USP34: variants seen among roughly 807,000 people sequenced by gnomAD.
The protein encoded by USP34 is ubiquitin carboxyl-terminal hydrolase 34.
USP34 carries 70 observed loss-of-function variants against 460.3 expected under a neutral mutation model. The observed-to-expected ratio is 0.15, with a 90% CI of 0.13 to 0.19. USP34 has a LOEUF of 0.19. Ranked by LOEUF, USP34 falls within the 10% of genes least tolerant of loss-of-function variation. The probability of loss-of-function intolerance (pLI) is 1.00; values close to 1 mark genes in which losing one functional copy is unlikely to be tolerated. For synonymous variants in USP34, 1,647 were observed against 1,405.3 expected, an observed-to-expected ratio of 1.17 and a Z score of -3.85; for missense variants, 3,985 against 4,236.2, an observed-to-expected ratio of 0.94 and a Z score of 1.65.
intron 36 of USP34, 47 bp downstream of exon 36, chr2:61,283,361 AT>A: frequency 6.3e-7 from 1 of 1,576,038 alleles, no homozygotes; most frequent in Non-Finnish European, 8.6e-7. Flanking sequence ...ATATCAATAT[AT>A]TATTCAAGTT....
chr2:61,318,918 G>A (rs1690830700), intron 22 of USP34, among the ~76,000 whole-genome samples: 1 of 152,100 alleles, frequency 6.6e-6, no homozygotes, highest in Admixed American at 6.5e-5. Flanking sequence ...GCCTTCAAAA[G>A]TTATTGTAAT....
chr2:61,365,125 G>A (rs906943341), intron 10 of USP34, among the ~76,000 whole-genome samples: 41 of 151,714 alleles, frequency 2.7e-4, no homozygotes, highest in Non-Finnish European at 1.6e-4. Flanking sequence ...GGAGGTGCGC[G>A]CCTATAATCC....
intron 3 of USP34, among the ~76,000 whole-genome samples, chr2:61,404,826 GA>G (rs1285674985): frequency 6.6e-6 from 1 of 152,104 alleles, no homozygotes; most frequent in Non-Finnish European, 1.5e-5. Flanking sequence ...ACTATGCCTA[GA>G]AATCAATCAT....
At chr2:61,365,292 C>CACACACGT (rs754663268) in intron 10 of USP34, among the ~76,000 whole-genome samples, 28 of 142,198 alleles carry the variant, frequency 2.0e-4, no homozygotes, top group African/African-American at 7.5e-4. Flanking sequence ...CACACACACA[C>CACACACGT]GTGTGTTTAT....
intron 29 of USP34, among the ~76,000 whole-genome samples, chr2:61,298,768 T>C (rs555975204): frequency 2.0e-5 from 3 of 148,550 alleles, no homozygotes; most frequent in East Asian, 1.9e-4. Flanking sequence ...AAACCAGCCA[T>C]AATGATGGAT....
In USP34 at chr2:61,214,618, G is replaced by A. The variant is rs1222022161; in HGVS notation, c.8124C>T (p.His2708=). 1 of 1,614,214 alleles carries A rather than the reference G, an allele frequency of 6.2e-7. No individual in the cohort carries two copies. The highest frequency in any genetic ancestry group is 2.2e-5 in the East Asian group (1 of 44,884). The change falls in exon 68 of 80, where the codon CAC becomes CAT. Residue 2708 remains histidine (H), a synonymous_variant. Transcript: ENST00000398571. ...RQMFRSTRSL[H]IPTRDLPLSP... is the part of the protein sequence containing the mutation. Reference sequence around the variant, plus strand: ...TGAGTGGAAGGTCACGGGTTGGGATGTGCAAAGACCTTGTTGACCGGAACA... The same window carrying A: ...TGAGTGGAAGGTCACGGGTTGGGATATGCAAAGACCTTGTTGACCGGAACA...
chr2:61,368,218 G>T (rs1036884608), intron 10 of USP34, among the ~76,000 whole-genome samples: 1 of 152,134 alleles, frequency 6.6e-6, no homozygotes, highest in Non-Finnish European at 1.5e-5. Flanking sequence ...AGGATTATGA[G>T]GTTAAGAGAT....
chr2:61,446,340 G>T (rs573162242), intron 1 of USP34, among the ~76,000 whole-genome samples: 1 of 152,088 alleles, frequency 6.6e-6, no homozygotes, highest in Non-Finnish European at 1.5e-5. Flanking sequence ...AGTATATGAA[G>T]ATCCATCCTG....
chr2:61,201,956 C>T (rs989643573), intron 75 of USP34, among the ~76,000 whole-genome samples: 1 of 152,148 alleles, frequency 6.6e-6, no homozygotes, highest in Non-Finnish European at 1.5e-5. Context: ...AGTACCATGA[C>T]CCAGGTGCAT....
intron 20 of USP34, among the ~76,000 whole-genome samples, chr2:61,325,706 A>G (rs959354116): frequency 4.6e-5 from 7 of 152,192 alleles, no homozygotes; most frequent in African/African-American, 1.7e-4. Flanking sequence ...AAAGCACACA[A>G]AAATTCAACA....
rs1686466796 is a variant in USP34 at position 61,187,555 on chromosome 2, C to G, written c.*547G>C. ...AAAAATAAAACAATTATTTTTACAT[C>G]AAGTGTGCTTTATTTCCTCCACAGG... On this transcript the variant is annotated 3_prime_UTR_variant, in exon 80 of 80. Coordinates refer to ENST00000398571, the MANE Select transcript of USP34 (RefSeq NM_014709.4). 1 of 971,788 alleles carries G rather than the reference C, an allele frequency of 1.0e-6. No individual in the cohort carries two copies. The highest frequency in any genetic ancestry group is 1.8e-5 in the African/African-American group (1 of 56,828). The allele number at this position is 971,788 out of a possible 1,614,324, so 60.2% of individuals were successfully genotyped here. A position where few individuals can be genotyped will look rare whatever the true frequency, so the allele number is the denominator to read the frequency against.
intron 64 of USP34, 34 bp from the exon 65 acceptor site, chr2:61,222,697 T>TTG: frequency 6.3e-7 from 1 of 1,586,144 alleles, no homozygotes; most frequent in East Asian, 2.3e-5. Context: ...CAGGATATTC[T>TTG]TGTTTTGTTT....
chr2:61,468,216 G>A (rs924231692), intron 1 of USP34, among the ~76,000 whole-genome samples: 43 of 152,012 alleles, frequency 2.8e-4, no homozygotes, highest in African/African-American at 9.4e-4. Flanking sequence ...ACAAAGTTTC[G>A]CTCTTGTTGC....
Position 61,394,833 on chromosome 2 carries a change from C to A in USP34, c.753+20G>T. 2 of 1,488,182 alleles carry A rather than the reference C, an allele frequency of 1.3e-6. No homozygotes were observed. The highest frequency in any genetic ancestry group is 1.5e-5 in the South Asian group (1 of 66,982). 92.2% of individuals were successfully genotyped at this position (1,488,182 alleles called of 1,614,324 possible). Reference sequence around the variant, plus strand: ...TAGACATTGCTCCCAAAATTAAGATCAATTCAAAACAATACTTACATTAGA... The same window carrying A: ...TAGACATTGCTCCCAAAATTAAGATAAATTCAAAACAATACTTACATTAGA... On this transcript the variant is annotated intron_variant, in intron 5 of 79. Coordinates refer to ENST00000398571, the MANE Select transcript of USP34 (RefSeq NM_014709.4).
At chr2:61,213,880 T>C (rs1371253611) in intron 68 of USP34, among the ~76,000 whole-genome samples, 180 bp downstream of exon 68, 3 of 152,158 alleles carry the variant, frequency 2.0e-5, no homozygotes, top group African/African-American at 2.4e-5. Flanking sequence ...ATCTACACAG[T>C]TATCAATTTT....
chr2:61,470,756 G>T lies in USP34; in HGVS notation c.-64C>A. 6.2e-6 allele frequency: 9 copies of T among 1,455,674 alleles called. No homozygotes were observed. Among genetic ancestry groups the T allele is most frequent in the Non-Finnish European group, 8.5e-6 (9 of 1,061,466 alleles). The allele number at this position is 1,455,674 out of a possible 1,614,324, so 90.2% of individuals were successfully genotyped here. A position where few individuals can be genotyped will look rare whatever the true frequency, so the allele number is the denominator to read the frequency against. On this transcript the variant is annotated 5_prime_UTR_variant, in exon 1 of 80. Transcript: ENST00000398571. The stretch of plus-strand genomic sequence containing the variant: ...ACACTGACTGATCCCGACCGGCGGG[G>T]GGGAGGGGAGAGAGGCGGAGGAGGG...
At chr2:61,377,796 C>T (rs1692840050) in intron 8 of USP34, among the ~76,000 whole-genome samples, 1 of 152,132 alleles carries the variant, frequency 6.6e-6, no homozygotes, top group Non-Finnish European at 1.5e-5. Flanking sequence ...ACTATCAGTA[C>T]CATATTTTTC....
chr2:61,188,173 A>C lies in USP34; in HGVS notation c.10570T>G (p.Cys3524Gly), dbSNP rs1686499714. The change falls in exon 80 of 80, where the codon TGT becomes GGT. Residue 3524 changes from cysteine to glycine, a missense_variant. Physicochemically the swap from Cys to Gly is radical, Grantham distance 159. Transcript: ENST00000398571. ...MQQHDILDTL[C>G]RTIESTIHVV... Reference sequence around the variant, plus strand: ...TGGATTGTAGATTCAATGGTCCTACACAGGGTATCTAAAATGTCATGTTGC... The same window carrying C: ...TGGATTGTAGATTCAATGGTCCTACCCAGGGTATCTAAAATGTCATGTTGC... 6.2e-7 allele frequency: 1 copy of C among 1,614,084 alleles called. No homozygotes were observed. Among genetic ancestry groups the C allele is most frequent in the African/African-American group, 1.3e-5 (1 of 74,926 alleles).
intron 27 of USP34, among the ~76,000 whole-genome samples, chr2:61,303,428 T>C (rs952788433): frequency 1.3e-5 from 2 of 152,152 alleles, no homozygotes; most frequent in Admixed American, 6.5e-5. Context: ...ATTCATCATG[T>C]TGCTCACAAA....
Sources: allele counts gnomAD v4.1 joint callset (sites outside exome capture counted in the v4.1 genomes callset), GRCh38; gene constraint gnomAD v4.1.1; transcripts MANE v1.5; gene names NCBI Gene and HGNC (gene_info 2026-07-23, HGNC 2026-07-21).